Variants in LSM14B observed in about 807,000 individuals in gnomAD.
LSM14B encodes the protein LSM family member 14B.
LSM14B carries 8 observed loss-of-function variants against 42.1 expected under a neutral mutation model. That is an observed-to-expected ratio of 0.19 (90% CI 0.11 to 0.34). The LOEUF is 0.34. Ranked by LOEUF, LSM14B falls within the 10% of genes least tolerant of loss-of-function variation. The pLI, the probability that LSM14B is intolerant of heterozygous loss-of-function variation, is 1.00. For missense variants in LSM14B, 396 were observed against 513.1 expected (o/e 0.77, Z 2.21); for synonymous variants, 219 against 209.7 (o/e 1.04, Z -0.38).
intron 7 of LSM14B, 131 bp downstream of exon 7, chr20:62,131,637 C>G: frequency 8.5e-7 from 1 of 1,172,866 alleles, no homozygotes; most frequent in Non-Finnish European, 1.2e-6. Flanking sequence ...GCTTGCGTTT[C>G]TGCATGATGG....
intron 2 of LSM14B, 134 bp from the exon 3 acceptor site, chr20:62,126,170 A>G: frequency 5.9e-6 from 8 of 1,347,164 alleles, no homozygotes; most frequent in Non-Finnish European, 8.3e-6. Context: ...TTGCACCCCA[A>G]GGGCTCCTCC....
At chr20:62,124,540 G>C (rs2056527545) in intron 1 of LSM14B, 77 bp from the exon 2 acceptor site, 1 of 1,506,536 alleles carries the variant, frequency 6.6e-7, no homozygotes, top group Non-Finnish European at 9.0e-7. Flanking sequence ...TCTTTTGGAA[G>C]GCTTGGGAGC....
chr20:62,123,942 T>C (rs1254355839), intron 1 of LSM14B, among the ~76,000 whole-genome samples: 1 of 152,138 alleles, frequency 6.6e-6, no homozygotes, highest in Non-Finnish European at 1.5e-5. Context: ...GCCCAGGAGT[T>C]AGCAGGAGTT....
rs745347998 is a variant in LSM14B, at chr20:62,130,719, T to G, written c.835+28T>G. The stretch of plus-strand genomic sequence containing the variant: ...TTGGCTCATTATATGAAAATTATTC[T>G]CTGCACAGGAGTACCCCTAGAGAGT... On this transcript the variant is annotated intron_variant, in intron 6 of 8. Transcript: ENST00000279068. The surrounding 1 kb of genome is among the most constrained non-coding windows in gnomAD (Gnocchi z 4.1). The G allele has an allele frequency of 1.2e-6, 2 of 1,607,490 alleles. No individual in the cohort carries two copies. The highest frequency in any genetic ancestry group is 1.3e-5 in the African/African-American group (1 of 74,856).
intron 3 of LSM14B, chr20:62,127,986 G>C (rs907443892): frequency 1.5e-5 from 9 of 619,582 alleles, no homozygotes; most frequent in Admixed American, 1.0e-4. Context: ...ACTGTTCACA[G>C]AAAGTCATTT....
intron 7 of LSM14B, among the ~76,000 whole-genome samples, chr20:62,132,902 C>T (rs572097652): frequency 3.3e-5 from 5 of 152,164 alleles, no homozygotes; most frequent in Non-Finnish European, 7.4e-5. Context: ...TTCCATCTAT[C>T]CTAGCCTCCT....
chr20:62,134,212 G>A lies in LSM14B; in HGVS notation c.*64G>A. ...TGACGCTGTGTGTGTCAGGACGCGA[G>A]GAAAACGCTGCACTTACAGGGAGAG... is the stretch of plus-strand genomic sequence containing the variant. On this transcript the variant is annotated 3_prime_UTR_variant, in exon 9 of 9. Coordinates refer to ENST00000279068, the MANE Select transcript of LSM14B (RefSeq NM_144703.3). The A allele has an allele frequency of 2.1e-6, 1 of 471,254 alleles. No individual in the cohort carries two copies. Among genetic ancestry groups the A allele is most frequent in the South Asian group, 1.6e-5 (1 of 64,426 alleles). 29.2% of individuals were successfully genotyped at this position (471,254 alleles called of 1,614,324 possible).
rs747700374 is a variant in LSM14B, at chr20:62,126,423, C to T, written c.411C>T (p.Ala137=). The T allele has an allele frequency of 1.2e-5, 19 of 1,609,630 alleles. No homozygotes were observed. The highest frequency in any genetic ancestry group is 6.7e-5 in the East Asian group (3 of 44,896). Residue 137 remains alanine (A), a synonymous_variant, in exon 3 of 9, where the codon GCC becomes GCT. Transcript: ENST00000279068. ...AASSLLSQQY[A]ASLGLGAGFP... ...GCTCCCTGCTCAGCCAGCAGTATGC[C>T]GCCTCCCTGGGTCTAGGTGAGTGAC... is the stretch of plus-strand genomic sequence containing the variant.
intron 3 of LSM14B, chr20:62,128,820 A>G (rs1461383169): frequency 7.7e-6 from 5 of 648,582 alleles, no homozygotes; most frequent in Non-Finnish European, 1.2e-5. Context: ...ATTTTTCTAC[A>G]GTCAATTTTT....
rs1253551958 is a variant in LSM14B at position 62,133,332 on chromosome 20, A to G, written c.1029A>G (p.Thr343=). 3 of 1,613,464 alleles carry G rather than the reference A, an allele frequency of 1.9e-6. No individual in the cohort carries two copies. The highest frequency in any genetic ancestry group is 3.3e-5 in the Admixed American group (2 of 59,970). ...GGGCCGAAGAGAGGAAGCTCAACACAGAGACCTTTGGGGTGTCAGGGAGGT... is the reference window on the plus strand; with the variant it reads ...GGGCCGAAGAGAGGAAGCTCAACACGGAGACCTTTGGGGTGTCAGGGAGGT... ...TTWAEERKLN[T]ETFGVSGRFL... The change falls in exon 8 of 9, where the codon ACA becomes ACG. Residue 343 remains threonine (T), a synonymous_variant. Transcript: ENST00000279068.
intron 3 of LSM14B, among the ~76,000 whole-genome samples, chr20:62,127,166 G>A (rs976738517): frequency 2.0e-5 from 3 of 152,110 alleles, no homozygotes; most frequent in Admixed American, 6.5e-5. Context: ...TAAGTGCCTC[G>A]CTCAAAAATG....
intron 7 of LSM14B, among the ~76,000 whole-genome samples, chr20:62,131,714 A>C (rs978345992): frequency 7.6e-4 from 115 of 152,286 alleles, no homozygotes; most frequent in African/African-American, 2.7e-3. Flanking sequence ...GAGTTGGCTG[A>C]GGTCGAGCCT....
At chr20:62,125,428 C>G (rs1312299351) in intron 2 of LSM14B, among the ~76,000 whole-genome samples, 1 of 152,224 alleles carries the variant, frequency 6.6e-6, no homozygotes, top group Non-Finnish European at 1.5e-5. Flanking sequence ...TTGGAGAAGT[C>G]TGAGCCCTGA....
chr20:62,127,532 C>T, intron 3 of LSM14B: 1 of 1,271,314 alleles, frequency 7.9e-7, no homozygotes, highest in Non-Finnish European at 1.1e-6. Flanking sequence ...ACAAGTGTAT[C>T]CTGACTTATT....
intron 1 of LSM14B, among the ~76,000 whole-genome samples, chr20:62,123,886 A>G (rs983150098): frequency 1.3e-5 from 2 of 152,160 alleles, no homozygotes; most frequent in Non-Finnish European, 2.9e-5. Flanking sequence ...ACCTCACTAC[A>G]CTTATTACAG....
chr20:62,130,009 C>T lies in LSM14B; in HGVS notation c.595+57C>T. ...TTGATGTTCTAAAAGTGGCACACTA[C>T]TTCCTGGGCTATTTTTTTTTTTTTA... On this transcript the variant is annotated intron_variant, in intron 4 of 8. Transcript: ENST00000279068. This position sits in a 1 kb window ranked among gnomAD's most constrained non-coding sequence, Gnocchi z 4.1. The T allele has an allele frequency of 6.7e-7, 1 of 1,499,904 alleles. No individual in the cohort carries two copies. The highest frequency in any genetic ancestry group is 8.9e-7 in the Non-Finnish European group (1 of 1,122,320). 92.9% of individuals were successfully genotyped at this position (1,499,904 alleles called of 1,614,324 possible). A position where few individuals can be genotyped will look rare whatever the true frequency, so the allele number is the denominator to read the frequency against.
chr20:62,124,511 C>A, intron 1 of LSM14B, 106 bp from the exon 2 acceptor site: 2 of 1,248,680 alleles, frequency 1.6e-6, no homozygotes, highest in African/African-American at 1.5e-5. Flanking sequence ...TGTGTTGTGG[C>A]TCTGAGCAAG....
intron 3 of LSM14B, chr20:62,128,031 A>C (rs2056654760): frequency 1.7e-6 from 1 of 584,566 alleles, no homozygotes. Context: ...AATGTGTTCC[A>C]GAGTGCTGCA....
At chr20:62,123,948 G>A (rs1226731054) in intron 1 of LSM14B, among the ~76,000 whole-genome samples, 1 of 152,188 alleles carries the variant, frequency 6.6e-6, no homozygotes, top group Non-Finnish European at 1.5e-5. Context: ...GAGTTAGCAG[G>A]AGTTGTGTCT....
Sources: allele counts gnomAD v4.1 joint callset (sites outside exome capture counted in the v4.1 genomes callset), GRCh38; gene constraint gnomAD v4.1.1; non-coding constraint Gnocchi (gnomAD v3.1); transcripts MANE v1.5; gene names NCBI Gene and HGNC (gene_info 2026-07-23, HGNC 2026-07-21).